FAM135B: variants seen among roughly 807,000 people sequenced by gnomAD.
FAM135B encodes the protein family with sequence similarity 135 member B.
Under a neutral mutation model 127.7 loss-of-function variants are expected in FAM135B, and 43 were observed. That is an observed-to-expected ratio of 0.34 (90% confidence interval 0.26 to 0.43). FAM135B has a LOEUF of 0.43. FAM135B is among the 20% of genes least tolerant of loss of function. The probability of loss-of-function intolerance (pLI) is 1.00; values close to 1 mark genes in which losing one functional copy is unlikely to be tolerated. For missense variants in FAM135B, 1,558 were observed against 1,725.6 expected, an observed-to-expected ratio of 0.90 and a Z score of 1.72; for synonymous variants, 670 against 665.1, an observed-to-expected ratio of 1.01 and a Z score of -0.11.
At chr8:138,256,457 T>C (rs1289024302) in intron 5 of FAM135B, among the ~76,000 whole-genome samples, 1 of 152,088 alleles carries the variant, frequency 6.6e-6, no homozygotes, top group African/African-American at 2.4e-5. Flanking sequence ...AGCCAATAAG[T>C]TATGAGATTT....
chr8:138,494,570 G>A (rs1233245354), intron 1 of FAM135B, among the ~76,000 whole-genome samples: 1 of 152,138 alleles, frequency 6.6e-6, no homozygotes, highest in Non-Finnish European at 1.5e-5. Flanking sequence ...TCTAGGCAGG[G>A]ACACCACCAT....
rs1274828082 is a variant in FAM135B, at chr8:138,141,368, G to C, written c.3639-19C>G. 1 of 1,613,574 alleles carries C rather than the reference G, an allele frequency of 6.2e-7. No homozygotes were observed. The highest frequency in any genetic ancestry group is 1.3e-5 in the African/African-American group (1 of 74,900). ...AATGAAGCTGTGGAGAAACAGAAGG[G>C]GTACCCATGAGTGTGACGGTGAATG... On this transcript the variant is annotated intron_variant, in intron 16 of 19. Coordinates refer to ENST00000395297, the MANE Select transcript of FAM135B (RefSeq NM_015912.4). The surrounding 1 kb of genome is among the most constrained non-coding windows in gnomAD (Gnocchi z 4.7).
At position 138,225,943 on chromosome 8, in the gene FAM135B, T is replaced by A. The variant is rs373311830; in HGVS notation, c.669+16999A>T. On this transcript the variant is annotated intron_variant, in intron 7 of 19. Transcript: ENST00000395297. ...GAGTAAATTTCAGTTATATTGAAGG[T>A]GTATGCTCATTCCATAGGGGCCTAG... Among the ~76,000 whole-genome samples the A allele has an allele frequency of 8.0e-4, 121 of 152,096 alleles. 3 individuals are homozygous for A. The South Asian group carries it at 0.025, about 31-fold the overall frequency.
intron 12 of FAM135B, among the ~76,000 whole-genome samples, chr8:138,153,643 C>G (rs555125883): frequency 6.6e-6 from 1 of 152,190 alleles, no homozygotes; most frequent in Non-Finnish European, 1.5e-5. Context: ...GATTATATCC[C>G]GCACCTGGCT....
chr8:138,200,392 G>C (rs1408483245), intron 7 of FAM135B, among the ~76,000 whole-genome samples: 2 of 152,150 alleles, frequency 1.3e-5, no homozygotes, highest in Non-Finnish European at 2.9e-5. Flanking sequence ...AGAAAGTCTA[G>C]GAGGGCTTGT....
chr8:138,212,766 A>G (rs1177851113), intron 7 of FAM135B, among the ~76,000 whole-genome samples: 2 of 152,226 alleles, frequency 1.3e-5, no homozygotes, highest in African/African-American at 4.8e-5. Context: ...TGCAATGTTC[A>G]GCAATTTTGT....
intron 9 of FAM135B, among the ~76,000 whole-genome samples, chr8:138,191,583 T>C (rs988321538): frequency 6.6e-6 from 1 of 152,108 alleles, no homozygotes; most frequent in South Asian, 2.1e-4. Context: ...GAGCAAGGGG[T>C]CACCACTGAG....
intron 1 of FAM135B, among the ~76,000 whole-genome samples, chr8:138,488,989 G>T (rs989408393): frequency 1.3e-5 from 2 of 152,122 alleles, no homozygotes; most frequent in African/African-American, 4.8e-5. Context: ...TGAATGAGCA[G>T]TAGTGTAGCC....
At chr8:138,358,525 C>T (rs1432856708) in intron 2 of FAM135B, 2 of 152,032 alleles carry the variant, frequency 1.3e-5, no homozygotes, top group Non-Finnish European at 2.9e-5. Context: ...TTACTAGGTG[C>T]TTTACAAATA....
At chr8:138,179,684 C>T (rs1302153733) in intron 9 of FAM135B, among the ~76,000 whole-genome samples, 3 of 152,174 alleles carry the variant, frequency 2.0e-5, no homozygotes, top group African/African-American at 7.2e-5. Flanking sequence ...CCTCACACTA[C>T]TCCACATTTG....
chr8:138,277,838 C>T (rs549772540), intron 3 of FAM135B, among the ~76,000 whole-genome samples: 1 of 152,274 alleles, frequency 6.6e-6, no homozygotes, highest in South Asian at 2.1e-4. Flanking sequence ...TCCATGCATC[C>T]CTCCAATACA....
intron 4 of FAM135B, among the ~76,000 whole-genome samples, chr8:138,257,712 T>C (rs1822200273): frequency 6.6e-6 from 1 of 152,056 alleles, no homozygotes; most frequent in African/African-American, 2.4e-5. Flanking sequence ...CTATTACAAT[T>C]TTGGAGGCAG....
chr8:138,288,883 A>C (rs1481893254), intron 3 of FAM135B, among the ~76,000 whole-genome samples: 1 of 152,192 alleles, frequency 6.6e-6, no homozygotes, highest in Non-Finnish European at 1.5e-5. Context: ...TGAGCTTTGG[A>C]GCAGTGCCTG....
rs939128433 is a variant in FAM135B at position 138,314,635 on chromosome 8, C to T, written c.78-3715G>A. ...CCTGTAATCCCAGCACTTTCGGAGGCCGAGGCTGGAGAATTGCTTGAGCCC... is the reference window on the plus strand; with the variant it reads ...CCTGTAATCCCAGCACTTTCGGAGGTCGAGGCTGGAGAATTGCTTGAGCCC... On this transcript the variant is annotated intron_variant, in intron 2 of 19. Coordinates refer to ENST00000395297, the MANE Select transcript of FAM135B (RefSeq NM_015912.4). 6.0e-5 allele frequency among the ~76,000 whole-genome samples: 9 copies of T among 150,932 alleles called. 1 individual carries two copies. The East Asian group carries it at 1.8e-3, about 29-fold the overall frequency.
intron 1 of FAM135B, among the ~76,000 whole-genome samples, chr8:138,414,501 A>G (rs748853010): frequency 2.6e-5 from 4 of 152,236 alleles, no homozygotes; most frequent in Non-Finnish European, 5.9e-5. Context: ...AATTGCAGAC[A>G]TAAGAAGAGA....
chr8:138,180,596 A>G (rs2130998260), intron 9 of FAM135B, among the ~76,000 whole-genome samples: 1 of 152,316 alleles, frequency 6.6e-6, no homozygotes, highest in Admixed American at 6.5e-5. Flanking sequence ...GACTAGTGCT[A>G]GATAGAGACC....
At chr8:138,453,703 T>C (rs539510163) in intron 1 of FAM135B, among the ~76,000 whole-genome samples, 2 of 152,242 alleles carry the variant, frequency 1.3e-5, no homozygotes, top group East Asian at 3.9e-4. Flanking sequence ...TTTTTAGAAA[T>C]GGTAGAAGAT....
intron 1 of FAM135B, among the ~76,000 whole-genome samples, chr8:138,375,581 C>T (rs576262879): frequency 1.6e-4 from 24 of 152,314 alleles, no homozygotes; most frequent in African/African-American, 5.5e-4. Flanking sequence ...AGACCCAGCC[C>T]TTCCATAACA....
intron 1 of FAM135B, among the ~76,000 whole-genome samples, chr8:138,368,543 T>G (rs529785186): frequency 6.6e-6 from 1 of 152,202 alleles, no homozygotes; most frequent in African/African-American, 2.4e-5. Context: ...GCTACCATTG[T>G]TAATAATAAT....
Sources: gnomAD v4.1 joint callset for allele counts (sites outside exome capture counted in the v4.1 genomes callset) on GRCh38, gnomAD v4.1.1 for gene constraint, Gnocchi (gnomAD v3.1) non-coding constraint, MANE v1.5 for transcripts, NCBI Gene and HGNC (gene_info 2026-07-23, HGNC 2026-07-21) for gene names.